THSD4: variants seen among roughly 807,000 people sequenced by gnomAD.
THSD4 encodes thrombospondin type-1 domain-containing protein 4.
THSD4 carries 69 observed loss-of-function variants against 119.0 expected under a neutral mutation model. The observed-to-expected ratio is 0.58, with a 90% CI of 0.48 to 0.71. The LOEUF (loss-of-function observed/expected upper bound fraction) is 0.71, where lower values mean the gene tolerates loss of function less well. THSD4 is among the 30% of genes least tolerant of loss of function. THSD4 has a pLI of 0.00. For missense variants in THSD4, 1,393 were observed against 1,391.1 expected, an observed-to-expected ratio of 1.00 and a Z score of -0.02; for synonymous variants, 524 against 540.4, an observed-to-expected ratio of 0.97 and a Z score of 0.42.
intron 7 of THSD4, among the ~76,000 whole-genome samples, chr15:71,642,140 G>A (rs549592371): frequency 1.9e-4 from 29 of 152,112 alleles, no homozygotes; most frequent in East Asian, 7.7e-4. Context: ...GCCTGTCACC[G>A]GAGAAAGTCA....
intron 7 of THSD4, among the ~76,000 whole-genome samples, chr15:71,557,555 G>A (rs1344293884): frequency 1.3e-5 from 2 of 152,002 alleles, no homozygotes; most frequent in Admixed American, 1.3e-4. Context: ...TAAAATTATT[G>A]TAATTTATTC....
intron 3 of THSD4, among the ~76,000 whole-genome samples, chr15:71,207,398 C>A (rs1784116295): frequency 6.6e-6 from 1 of 152,246 alleles, no homozygotes; most frequent in Non-Finnish European, 1.5e-5. Context: ...CAAGTCCAGA[C>A]CACCTCCCTC....
chr15:71,452,814 C>G (rs1378346892), intron 7 of THSD4, among the ~76,000 whole-genome samples: 7 of 152,050 alleles, frequency 4.6e-5, no homozygotes, highest in African/African-American at 1.7e-4. Flanking sequence ...GGGGTTTCAC[C>G]TTGTTGGCCA....
At chr15:71,389,191 T>G (rs1199909860) in intron 6 of THSD4, among the ~76,000 whole-genome samples, 21 of 152,210 alleles carry the variant, frequency 1.4e-4, no homozygotes, top group Admixed American at 1.4e-3. Flanking sequence ...TGTACAGTAG[T>G]GTTAAGTACA....
intron 1 of THSD4, among the ~76,000 whole-genome samples, chr15:71,118,589 G>A (rs1040415104): frequency 7.0e-6 from 1 of 142,204 alleles, no homozygotes; most frequent in African/African-American, 2.5e-5. Context: ...ACACTTGAAA[G>A]CACATGACTA....
At chr15:71,173,967 T>C (rs1436657676) in intron 3 of THSD4, among the ~76,000 whole-genome samples, 1 of 152,108 alleles carries the variant, frequency 6.6e-6, no homozygotes, top group Non-Finnish European at 1.5e-5. Flanking sequence ...ATGTAAAACC[T>C]GGAACTATAA....
rs930484127 is a variant in THSD4 at position 71,781,008 on chromosome 15, G to A, written c.*3634G>A. ...GAATATCAATTCTAATGAGGAGGAA[G>A]ACATAAATATAAGTGGTAAAAAGAA... On this transcript the variant is annotated 3_prime_UTR_variant, in exon 18 of 18. Transcript: ENST00000261862. 1 of 333,760 alleles carries A rather than the reference G, an allele frequency of 3.0e-6. No individual in the cohort carries two copies. Among genetic ancestry groups the A allele is most frequent in the African/African-American group, 2.1e-5 (1 of 46,566 alleles). 20.7% of individuals were successfully genotyped at this position (333,760 alleles called of 1,614,324 possible).
At chr15:71,279,233 A>G (rs1466285960) in intron 6 of THSD4, among the ~76,000 whole-genome samples, 2 of 152,216 alleles carry the variant, frequency 1.3e-5, no homozygotes, top group Non-Finnish European at 2.9e-5. Context: ...AGATGTGTAC[A>G]GCTCAAATTC....
At chr15:71,711,072 A>AATAT (rs3086741) in intron 8 of THSD4, among the ~76,000 whole-genome samples, 3 of 147,836 alleles carry the variant, frequency 2.0e-5, no homozygotes, top group African/African-American at 5.0e-5. Context: ...TTGAAAGCAA[A>AATAT]ATATATATAT....
intron 7 of THSD4, among the ~76,000 whole-genome samples, chr15:71,564,116 G>C (rs11857403): frequency 0.83 from 126,225 of 152,236 alleles, 53,107 homozygotes; most frequent in Non-Finnish European, 0.91. Flanking sequence ...CAAATGTATT[G>C]TCAGTGATTC....
chr15:71,117,235 CT>C (rs2040370946), intron 1 of THSD4, among the ~76,000 whole-genome samples: 1 of 152,172 alleles, frequency 6.6e-6, no homozygotes, highest in South Asian at 2.1e-4. Context: ...TCTTTTTAGT[CT>C]CCTATGCCAT....
intron 6 of THSD4, among the ~76,000 whole-genome samples, chr15:71,335,747 G>C (rs1385515052): frequency 1.3e-5 from 2 of 152,090 alleles, no homozygotes; most frequent in Non-Finnish European, 2.9e-5. Flanking sequence ...TATCTTCCTG[G>C]TCATGTTTCT....
At chr15:71,474,979 A>G (rs1339078171) in intron 7 of THSD4, among the ~76,000 whole-genome samples, 1 of 152,174 alleles carries the variant, frequency 6.6e-6, no homozygotes, top group Non-Finnish European at 1.5e-5. Context: ...CTTGTTAGGA[A>G]TGGACATTTC....
At chr15:71,699,715 A>G (rs888754146) in intron 8 of THSD4, among the ~76,000 whole-genome samples, 1 of 152,156 alleles carries the variant, frequency 6.6e-6, no homozygotes, top group Non-Finnish European at 1.5e-5. Flanking sequence ...GGTTTTCTAT[A>G]TTAATATGAC....
chr15:71,236,245 C>G (rs982918483), intron 4 of THSD4, among the ~76,000 whole-genome samples: 3 of 152,326 alleles, frequency 2.0e-5, no homozygotes, highest in South Asian at 2.1e-4. Flanking sequence ...CTCACTCTGC[C>G]CACTCCCCTC....
chr15:71,429,636 G>A (rs1471655624), intron 7 of THSD4, among the ~76,000 whole-genome samples: 1 of 152,210 alleles, frequency 6.6e-6, no homozygotes, highest in Non-Finnish European at 1.5e-5. Flanking sequence ...AGATCAGAAA[G>A]ACCATGAGGT....
At chr15:71,317,110 A>G (rs1226783235) in intron 6 of THSD4, among the ~76,000 whole-genome samples, 1 of 152,182 alleles carries the variant, frequency 6.6e-6, no homozygotes. Flanking sequence ...AGAGCTGGAT[A>G]TTGGTGTTTA....
chr15:71,335,928 G>A lies in THSD4; in HGVS notation c.1016-75759G>A, dbSNP rs1039961073. On this transcript the variant is annotated intron_variant, in intron 6 of 17. Coordinates refer to ENST00000261862, the MANE Select transcript of THSD4 (RefSeq NM_024817.3). The stretch of plus-strand genomic sequence containing the variant: ...GGTCATCCTTCTTGGAGAAGGGCAT[G>A]GGGGTGGGTTGTCGGGGAATGATGT... Among the ~76,000 whole-genome samples, 9 of 152,314 alleles carry A rather than the reference G, an allele frequency of 5.9e-5. 1 individual carries two copies. Among genetic ancestry groups the A allele is most frequent in the Admixed American group, 5.9e-4 (9 of 15,306 alleles).
chr15:71,447,042 A>G lies in THSD4; in HGVS notation c.1152+35219A>G, dbSNP rs953589770. Among the ~76,000 whole-genome samples the G allele has an allele frequency of 7.3e-5, 11 of 150,618 alleles. No homozygotes were observed. In the East Asian group the frequency reaches 1.2e-3, roughly 16 times the overall value. ...GAATGAAAACGAAGGCACTGTTAGCATGGAGGAAGGGGGAAGTGCCCAGTG... is the reference window on the plus strand; with the variant it reads ...GAATGAAAACGAAGGCACTGTTAGCGTGGAGGAAGGGGGAAGTGCCCAGTG... On this transcript the variant is annotated intron_variant, in intron 7 of 17. Transcript: ENST00000261862.
Sources: gnomAD v4.1 joint callset for allele counts (sites outside exome capture counted in the v4.1 genomes callset) on GRCh38, gnomAD v4.1.1 for gene constraint, MANE v1.5 for transcripts, NCBI Gene and HGNC (gene_info 2026-07-23, HGNC 2026-07-21) for gene names.